Variants in TMEM217B observed in about 807,000 individuals in gnomAD.
The protein encoded by TMEM217B is transmembrane protein 217B, also known as putative transmembrane protein 217B.
chr6:37,218,483 G>T, the TMEM217B span: 2 of 1,613,964 alleles, frequency 1.2e-6, no homozygotes, highest in South Asian at 1.1e-5. Context: ...ACTCGAAATT[G>T]ATAATCTTTT....
chr6:37,212,512 G>C, the TMEM217B span: 1 of 457,376 alleles, frequency 2.2e-6, no homozygotes, highest in South Asian at 1.5e-5. Flanking sequence ...CCTGCCCACA[G>C]TCTGGGATTC....
At chr6:37,222,262 A>C in the TMEM217B span, among the ~76,000 whole-genome samples, 1 of 152,136 alleles carries the variant, frequency 6.6e-6, no homozygotes, top group Admixed American at 6.5e-5. Flanking sequence ...GTGGGGCCTT[A>C]CTGAGGACCC....
At chr6:37,253,771 A>G in the TMEM217B span, among the ~76,000 whole-genome samples, 2 of 151,942 alleles carry the variant, frequency 1.3e-5, no homozygotes, top group African/African-American at 4.8e-5. Context: ...TTATCTTCCC[A>G]TTGGAGCTCC....
chr6:37,231,226 A>AT, the TMEM217B span, among the ~76,000 whole-genome samples: 652 of 87,390 alleles, frequency 7.5e-3, 2 homozygotes, highest in East Asian at 0.023. Flanking sequence ...TGCCTGGCTA[A>AT]TTTTTTTTTT....
the TMEM217B span, among the ~76,000 whole-genome samples, chr6:37,224,291 A>G: frequency 1.3e-5 from 2 of 151,516 alleles, no homozygotes; most frequent in East Asian, 4.0e-4. Flanking sequence ...TACCACATGC[A>G]GCTCATTAAA....
the TMEM217B span, chr6:37,212,247 A>G: frequency 2.9e-6 from 1 of 343,546 alleles, no homozygotes; most frequent in African/African-American, 2.2e-5. Context: ...CACATCTGTA[A>G]AATAATTGAT....
the TMEM217B span, chr6:37,218,054 G>A: frequency 1.0e-6 from 1 of 1,002,148 alleles, no homozygotes; most frequent in Non-Finnish European, 1.2e-6. Flanking sequence ...GAACTGCTAA[G>A]CAAAAGTGGG....
chr6:37,220,545 C>CTT, the TMEM217B span, among the ~76,000 whole-genome samples: 94 of 145,864 alleles, frequency 6.4e-4, 1 homozygote, highest in South Asian at 7.2e-3. Flanking sequence ...CATAGCTGGC[C>CTT]TTTTTTTTTT....
chr6:37,243,374 G>A, the TMEM217B span, among the ~76,000 whole-genome samples: 2 of 152,166 alleles, frequency 1.3e-5, no homozygotes, highest in Admixed American at 6.5e-5. Flanking sequence ...AAAAATGGAG[G>A]AAACCACCAG....
chr6:37,248,146 T>C, the TMEM217B span, among the ~76,000 whole-genome samples: 4 of 152,292 alleles, frequency 2.6e-5, no homozygotes, highest in East Asian at 1.9e-4. Flanking sequence ...CTCCACTCTG[T>C]GTCTTCTTAG....
chr6:37,230,103 C>CT, the TMEM217B span, among the ~76,000 whole-genome samples: 981 of 152,354 alleles, frequency 6.4e-3, 8 homozygotes, highest in African/African-American at 0.021. Flanking sequence ...CCTTCCAGGC[C>CT]TTGCTCCTGA....
chr6:37,239,689 G>T, the TMEM217B span, among the ~76,000 whole-genome samples: 1 of 151,992 alleles, frequency 6.6e-6, no homozygotes, highest in Non-Finnish European at 1.5e-5. Flanking sequence ...GATCTCAGTA[G>T]AATATGTTGC....
At chr6:37,226,353 C>T in the TMEM217B span, among the ~76,000 whole-genome samples, 6 of 125,990 alleles carry the variant, frequency 4.8e-5, no homozygotes, top group African/African-American at 9.3e-5. Context: ...AGTGCAGTGG[C>T]GCTATCTTGG....
chr6:37,244,788 G>A, the TMEM217B span, among the ~76,000 whole-genome samples: 1 of 152,230 alleles, frequency 6.6e-6, no homozygotes, highest in Non-Finnish European at 1.5e-5. Flanking sequence ...GGGCTGAGCT[G>A]AGCTGATCTC....
chr6:37,219,250 C>T, the TMEM217B span, among the ~76,000 whole-genome samples: 99 of 152,216 alleles, frequency 6.5e-4, 2 homozygotes, highest in Non-Finnish European at 1.9e-4. Flanking sequence ...GTGGCAATGA[C>T]CAGATAAAAT....
the TMEM217B span, among the ~76,000 whole-genome samples, chr6:37,226,858 A>C: frequency 1.3e-5 from 2 of 152,072 alleles, no homozygotes; most frequent in East Asian, 3.9e-4. Context: ...GAGCCACGGC[A>C]CCCAGCCCAA....
the TMEM217B span, among the ~76,000 whole-genome samples, chr6:37,237,648 G>A: frequency 2.0e-5 from 3 of 152,200 alleles, no homozygotes; most frequent in Non-Finnish European, 4.4e-5. Flanking sequence ...ATGGTTTCAG[G>A]ATGAATAAAC....
At chr6:37,222,550 G>A in the TMEM217B span, among the ~76,000 whole-genome samples, 16 of 152,216 alleles carry the variant, frequency 1.1e-4, no homozygotes, top group Admixed American at 2.6e-4. Flanking sequence ...CTTGTCCCTG[G>A]CTCCTGCCTG....
At chr6:37,257,216 G>C in the TMEM217B span, among the ~76,000 whole-genome samples, 1 of 152,182 alleles carries the variant, frequency 6.6e-6, no homozygotes, top group Admixed American at 6.5e-5. Context: ...CACAGCACAA[G>C]TCCTTCAATC....
Sources: allele counts gnomAD v4.1 joint callset (sites outside exome capture counted in the v4.1 genomes callset), GRCh38; gene constraint gnomAD v4.1.1; transcripts MANE v1.5; gene names NCBI Gene and HGNC (gene_info 2026-07-23, HGNC 2026-07-21).